Variants in DLC1 observed in about 807,000 individuals in gnomAD.
DLC1 encodes rho GTPase-activating protein 7.
Under a neutral mutation model 140.3 loss-of-function variants are expected in DLC1, and 54 were observed. That is an observed-to-expected ratio of 0.38 (90% CI 0.31 to 0.48). The LOEUF (loss-of-function observed/expected upper bound fraction) is 0.48. DLC1 is among the 20% of genes least tolerant of loss of function. DLC1 has a pLI of 0.96. For missense variants in DLC1, 2,536 were observed against 1,907.0 expected (o/e 1.33, Z -6.14); for synonymous variants, 986 against 728.1 (o/e 1.35, Z -5.70).
Position 13,548,112 on chromosome 8 carries a change from G to A in DLC1, c.-125-47916C>T, listed in dbSNP as rs150800156. Among the ~76,000 whole-genome samples, 624 of 152,116 alleles carry A rather than the reference G, an allele frequency of 4.1e-3. 2 individuals carry two copies. Among genetic ancestry groups the A allele is most frequent in the Admixed American group, 8.5e-3 (130 of 15,258 alleles). On this transcript the variant is annotated intron_variant, in intron 1 of 1. Coordinates refer to the DLC1 transcript ENST00000631382. ...TTACGTTGTTGAAGGAATATATAGT[G>A]CCTAATGCCGAGAACATAGTAAGAA...
intron 5 of DLC1, among the ~76,000 whole-genome samples, chr8:13,215,877 C>G (rs1323946544): frequency 6.6e-6 from 1 of 152,184 alleles, no homozygotes; most frequent in Non-Finnish European, 1.5e-5. Context: ...CTGTCTACCT[C>G]TACAAAAGGC....
chr8:13,448,651 A>C (rs1409719574), intron 2 of DLC1, among the ~76,000 whole-genome samples: 1 of 151,994 alleles, frequency 6.6e-6, no homozygotes, highest in East Asian at 1.9e-4. Flanking sequence ...GAGCCACCGC[A>C]CCCAGCCTCC....
chr8:13,132,856 C>G, intron 5 of DLC1: 1 of 1,496,112 alleles, frequency 6.7e-7, no homozygotes. Context: ...ACCGACTTGA[C>G]AAGGCGGGGT....
intron 4 of DLC1, among the ~76,000 whole-genome samples, chr8:13,365,371 G>T (rs1835431495): frequency 6.6e-6 from 1 of 152,122 alleles, no homozygotes; most frequent in African/African-American, 2.4e-5. Context: ...TGACTGCACA[G>T]CTCCCCTCCC....
intron 2 of DLC1, among the ~76,000 whole-genome samples, chr8:13,478,393 C>G (rs1281797892): frequency 6.6e-6 from 1 of 152,216 alleles, no homozygotes; most frequent in Non-Finnish European, 1.5e-5. Flanking sequence ...GGTCCCAACT[C>G]TGGCATTTGA....
At chr8:13,219,417 ATTATAC>A (rs1828432918) in intron 5 of DLC1, among the ~76,000 whole-genome samples, 2 of 146,636 alleles carry the variant, frequency 1.4e-5, no homozygotes, top group Admixed American at 6.9e-5. Context: ...AATTCATATA[ATTATAC>A]TTATATAATT....
intron 2 of DLC1, among the ~76,000 whole-genome samples, chr8:13,466,422 C>T (rs770501845): frequency 1.3e-5 from 2 of 152,198 alleles, no homozygotes; most frequent in Non-Finnish European, 2.9e-5. Context: ...ACCTAACTCT[C>T]CTCCTGGCCA....
rs145716588 is a variant in DLC1 at position 13,329,211 on chromosome 8, C to T, written c.1315-23909G>A. ...AGTAAATACCTTTTCCTCATCCCCT[C>T]TCCCAAATTGATTCTGAAAACAAGT... On this transcript the variant is annotated intron_variant, in intron 4 of 17. Transcript: ENST00000276297. Among the ~76,000 whole-genome samples the T allele has an allele frequency of 6.5e-3, 994 of 152,308 alleles. 6 individuals are homozygous for T. The highest frequency in any genetic ancestry group is 0.043 in the East Asian group (221 of 5,176).
chr8:13,585,330 G>A (rs1805262656), intron 1 of DLC1, among the ~76,000 whole-genome samples: 2 of 152,106 alleles, frequency 1.3e-5, no homozygotes, highest in Non-Finnish European at 2.9e-5. Flanking sequence ...TTGAGAGGCT[G>A]AGGCCAAAGG....
chr8:13,421,117 A>C (rs1394182407), intron 2 of DLC1, among the ~76,000 whole-genome samples: 2 of 152,184 alleles, frequency 1.3e-5, no homozygotes, highest in East Asian at 3.9e-4. Context: ...TGAAAAAGAC[A>C]CCATTTTTAA....
intron 6 of DLC1, among the ~76,000 whole-genome samples, chr8:13,113,509 G>A (rs1293898949): frequency 6.6e-6 from 1 of 152,208 alleles, no homozygotes; most frequent in Non-Finnish European, 1.5e-5. Flanking sequence ...ATGGAATTGG[G>A]TCTTAGCAAA....
At chr8:13,181,964 G>A (rs1027599703) in intron 5 of DLC1, among the ~76,000 whole-genome samples, 1 of 152,178 alleles carries the variant, frequency 6.6e-6, no homozygotes, top group African/African-American at 2.4e-5. Flanking sequence ...CAGTGTAAAA[G>A]TGTTCTTATT....
intron 5 of DLC1, among the ~76,000 whole-genome samples, chr8:13,121,076 G>A (rs913685490): frequency 2.0e-5 from 3 of 152,008 alleles, no homozygotes; most frequent in South Asian, 2.1e-4. Context: ...CGATGCAAAT[G>A]GTACAGTGAA....
chr8:13,441,490 G>T (rs551933441), intron 2 of DLC1, among the ~76,000 whole-genome samples: 8 of 152,144 alleles, frequency 5.3e-5, no homozygotes, highest in Non-Finnish European at 7.3e-5. Context: ...CTCCTTAAGC[G>T]GATAGGCAAC....
intron 2 of DLC1, among the ~76,000 whole-genome samples, chr8:13,489,412 T>TACACACACACAC (rs10558551): frequency 0.04 from 5,231 of 132,232 alleles, 151 homozygotes; most frequent in East Asian, 0.093. Flanking sequence ...ACACACACCA[T>TACACACACACAC]ACACACACAC....
At chr8:13,205,314 AT>A (rs202200313) in intron 5 of DLC1, among the ~76,000 whole-genome samples, 3 of 152,160 alleles carry the variant, frequency 2.0e-5, no homozygotes, top group East Asian at 1.9e-4. Flanking sequence ...TATTTATATC[AT>A]TTTTTAATTG....
At chr8:13,548,036 C>A (rs1423680861) in intron 1 of DLC1, among the ~76,000 whole-genome samples, 1 of 152,020 alleles carries the variant, frequency 6.6e-6, no homozygotes, top group African/African-American at 2.4e-5. Flanking sequence ...GTAATTATCT[C>A]TGTATCTATC....
At chr8:13,402,575 T>A (rs892334232) in intron 2 of DLC1, among the ~76,000 whole-genome samples, 5 of 152,216 alleles carry the variant, frequency 3.3e-5, no homozygotes, top group African/African-American at 1.2e-4. Context: ...TATGTTGCCA[T>A]CCTCTCCATC....
intron 1 of DLC1, among the ~76,000 whole-genome samples, chr8:13,554,494 T>C (rs1803973831): frequency 6.6e-6 from 1 of 152,168 alleles, no homozygotes; most frequent in Non-Finnish European, 1.5e-5. Context: ...AGGTAAAATT[T>C]CCAAAAGCTA....
Sources: gnomAD v4.1 joint callset for allele counts (sites outside exome capture counted in the v4.1 genomes callset) on GRCh38, gnomAD v4.1.1 for gene constraint, MANE v1.5 for transcripts, NCBI Gene and HGNC (gene_info 2026-07-23, HGNC 2026-07-21) for gene names.